DGKB: variants seen among roughly 807,000 people sequenced by gnomAD.
DGKB encodes diacylglycerol kinase beta.
DGKB carries 67 observed loss-of-function variants against 114.3 expected under a neutral mutation model. That is an observed-to-expected ratio of 0.59 (90% confidence interval 0.48 to 0.72). The LOEUF (loss-of-function observed/expected upper bound fraction) is 0.72. DGKB is among the 30% of genes least tolerant of loss of function. DGKB has a pLI of 0.00. For synonymous variants in DGKB, 398 were observed against 323.1 expected, an observed-to-expected ratio of 1.23 and a Z score of -2.49; for missense variants, 907 against 975.2, an observed-to-expected ratio of 0.93 and a Z score of 0.93.
rs144058016 is a variant in DGKB at position 14,197,847 on chromosome 7, C to T, written c.2123-19696G>A. ...GTTTGACAAGCTCACAGGCATTCAT[C>T]GAGTGAAAAGGTAGGTAATATTGAG... On this transcript the variant is annotated intron_variant, in intron 23 of 25. Coordinates refer to ENST00000402815, the MANE Select transcript of DGKB (RefSeq NM_001350709.2). Among the ~76,000 whole-genome samples the T allele has an allele frequency of 7.2e-4, 109 of 152,104 alleles. No individual in the cohort carries two copies. The East Asian group carries it at 0.02, about 28-fold the overall frequency.
chr7:14,729,278 A>G (rs552313343), intron 5 of DGKB, among the ~76,000 whole-genome samples: 22 of 137,928 alleles, frequency 1.6e-4, no homozygotes, highest in Non-Finnish European at 3.3e-4. Flanking sequence ...GCCTGCCACC[A>G]CATCCGGCTA....
At chr7:14,325,996 G>C (rs767626433) in intron 23 of DGKB, among the ~76,000 whole-genome samples, 1 of 151,590 alleles carries the variant, frequency 6.6e-6, no homozygotes, top group Non-Finnish European at 1.5e-5. Flanking sequence ...AGGTAGAAAA[G>C]TCAGAAATGT....
At chr7:14,393,482 T>C (rs915461267) in intron 21 of DGKB, among the ~76,000 whole-genome samples, 1 of 152,156 alleles carries the variant, frequency 6.6e-6, no homozygotes, top group Non-Finnish European at 1.5e-5. Context: ...ATGTAGAAAT[T>C]TATTCTTTCT....
chr7:14,267,238 A>G (rs1190920887), intron 23 of DGKB, among the ~76,000 whole-genome samples: 1 of 152,156 alleles, frequency 6.6e-6, no homozygotes, highest in Non-Finnish European at 1.5e-5. Flanking sequence ...TCCTATCTCA[A>G]CACTTGGTCT....
intron 23 of DGKB, among the ~76,000 whole-genome samples, chr7:14,282,844 G>T (rs933292433): frequency 3.3e-5 from 5 of 152,112 alleles, no homozygotes; most frequent in African/African-American, 1.2e-4. Flanking sequence ...AATAAATTAG[G>T]TATTGATGGG....
chr7:14,897,886 T>C (rs898186992), intron 1 of DGKB, among the ~76,000 whole-genome samples: 2 of 151,952 alleles, frequency 1.3e-5, no homozygotes, highest in African/African-American at 4.8e-5. Flanking sequence ...CTTCAGCGGA[T>C]AGAATTAGAG....
chr7:14,496,771 GATAA>G (rs1400219293), intron 20 of DGKB, among the ~76,000 whole-genome samples: 1 of 151,654 alleles, frequency 6.6e-6, no homozygotes, highest in African/African-American at 2.4e-5. Context: ...GAAAACAGAG[GATAA>G]ATAAAGCTGC....
intron 23 of DGKB, among the ~76,000 whole-genome samples, chr7:14,196,310 T>C (rs746976583): frequency 4.6e-5 from 7 of 152,158 alleles, no homozygotes. Flanking sequence ...AGAATTATTC[T>C]AGTCATAAAA....
chr7:14,732,470 G>A (rs981225057), intron 5 of DGKB, among the ~76,000 whole-genome samples: 1 of 151,820 alleles, frequency 6.6e-6, no homozygotes, highest in Non-Finnish European at 1.5e-5. Flanking sequence ...CAGTTTCTGA[G>A]TCAAGGCTAC....
chr7:14,207,696 G>C (rs759681462), intron 23 of DGKB, among the ~76,000 whole-genome samples: 1 of 151,946 alleles, frequency 6.6e-6, no homozygotes. Context: ...TAAAAATCCT[G>C]ACTGATAAAT....
intron 19 of DGKB, among the ~76,000 whole-genome samples, chr7:14,579,892 C>T (rs562396955): frequency 6.6e-6 from 1 of 152,282 alleles, no homozygotes; most frequent in South Asian, 2.1e-4. Flanking sequence ...CCCAGGGACT[C>T]TGTTCACCTT....
At chr7:14,270,788 TG>T (rs1315360970) in intron 23 of DGKB, among the ~76,000 whole-genome samples, 1 of 152,212 alleles carries the variant, frequency 6.6e-6, no homozygotes, top group Non-Finnish European at 1.5e-5. Context: ...TTGCGGGTCT[TG>T]AAAGTTGCTT....
At chr7:14,652,466 G>C (rs1028042879) in intron 13 of DGKB, among the ~76,000 whole-genome samples, 1 of 151,874 alleles carries the variant, frequency 6.6e-6, no homozygotes, top group African/African-American at 2.4e-5. Flanking sequence ...GCTGAAACTG[G>C]ATCCCTTCCT....
intron 13 of DGKB, among the ~76,000 whole-genome samples, chr7:14,657,186 A>G (rs1017488142): frequency 4.6e-5 from 7 of 151,054 alleles, no homozygotes; most frequent in African/African-American, 1.7e-4. Context: ...ACCAAAATGG[A>G]TGTACACATG....
In DGKB at chr7:14,150,467, TCA is replaced by T. The variant is rs373035415; in HGVS notation, c.2305-1231_2305-1230del. On this transcript the variant is annotated intron_variant, in intron 25 of 25. Transcript: ENST00000402815. ...GGCTTTTGGGAAATGGAAATTTACT[TCA>T]CAGTCTAGAAAGACAGAAGTATGTG... Among the ~76,000 whole-genome samples the T allele has an allele frequency of 1.4e-4, 21 of 152,222 alleles. No individual in the cohort carries two copies. The East Asian group carries it at 2.9e-3, about 21-fold the overall frequency.
chr7:14,583,290 A>G (rs6948031), intron 17 of DGKB, among the ~76,000 whole-genome samples, 153 bp from the exon 18 acceptor site: 45,253 of 152,068 alleles, frequency 0.3, 8,845 homozygotes, highest in Non-Finnish European at 0.43. Flanking sequence ...CTTTAATCCT[A>G]TTTTATAATT....
Position 14,535,057 on chromosome 7 carries a change from G to T in DGKB, c.1770+39155C>A, listed in dbSNP as rs556587817. Among the ~76,000 whole-genome samples the T allele has an allele frequency of 2.0e-5, 3 of 152,172 alleles. No individual in the cohort carries two copies. In the East Asian group the frequency reaches 5.8e-4, roughly 29 times the overall value. ...AGCAGTATGAAGAGGGAAGTTTATG[G>T]CAATAAATATCTCTTTTAAAAAGAA... is the stretch of plus-strand genomic sequence containing the variant. On this transcript the variant is annotated intron_variant, in intron 20 of 25. Transcript: ENST00000402815.
chr7:14,466,377 T>G (rs569526909), intron 21 of DGKB, among the ~76,000 whole-genome samples: 3 of 152,242 alleles, frequency 2.0e-5, no homozygotes, highest in South Asian at 4.1e-4. Flanking sequence ...GCTAACATGG[T>G]GAAACCCTGT....
At chr7:14,185,026 ACAAT>A (rs1480041106) in intron 23 of DGKB, among the ~76,000 whole-genome samples, 1 of 152,194 alleles carries the variant, frequency 6.6e-6, no homozygotes, top group African/African-American at 2.4e-5. Context: ...CCTAGTTAGA[ACAAT>A]CAGACTAGAG....
Sources: gnomAD v4.1 joint callset for allele counts (sites outside exome capture counted in the v4.1 genomes callset) on GRCh38, gnomAD v4.1.1 for gene constraint, MANE v1.5 for transcripts, NCBI Gene and HGNC (gene_info 2026-07-23, HGNC 2026-07-21) for gene names.